TET3: variants seen among roughly 807,000 people sequenced by gnomAD.
The protein encoded by TET3 is methylcytosine dioxygenase TET3.
A neutral mutation model predicts 141.4 loss-of-function variants in TET3; 19 were observed. The ratio of observed to expected loss-of-function variants is 0.13; its 90% CI spans 0.09 to 0.20. The LOEUF (loss-of-function observed/expected upper bound fraction) is 0.20. Ranked by LOEUF, TET3 falls within the 10% of genes least tolerant of loss-of-function variation. TET3 has a pLI of 1.00. For synonymous variants in TET3, 1,043 were observed against 980.9 expected (o/e 1.06, Z -1.18); for missense variants, 1,874 against 2,356.9 (o/e 0.80, Z 4.24).
intron 6 of TET3, among the ~76,000 whole-genome samples, chr2:74,085,583 G>T (rs987149381): frequency 2.6e-5 from 4 of 152,196 alleles, no homozygotes; most frequent in African/African-American, 9.7e-5. Flanking sequence ...GACCATTCAG[G>T]CATTAGATTC....
chr2:74,092,851 G>A, intron 8 of TET3, 51 bp from the exon 9 acceptor site: 1 of 1,490,830 alleles, frequency 6.7e-7, no homozygotes. Flanking sequence ...CAGGGTGCAG[G>A]GTCTGCCAGG....
At position 74,089,634 on chromosome 2, in the gene TET3, C is replaced by T. The variant is rs542016787; in HGVS notation, c.2889-263C>T. On this transcript the variant is annotated intron_variant, in intron 7 of 11. Transcript: ENST00000409262. ...TTACCAGATTCTTCCCCCTTACTTC[C>T]GTAAACCCATGTGCTACTCCCAGCA... Among the ~76,000 whole-genome samples the T allele has an allele frequency of 2.0e-5, 3 of 152,324 alleles. No homozygotes were observed. In the South Asian group the frequency reaches 6.2e-4, roughly 32 times the overall value.
chr2:74,063,525 A>C (rs1688711065), intron 4 of TET3, among the ~76,000 whole-genome samples: 1 of 152,190 alleles, frequency 6.6e-6, no homozygotes, highest in African/African-American at 2.4e-5. Flanking sequence ...ATACCTTACA[A>C]AACCTGAAAG....
chr2:74,002,429 T>C (rs1573656561), intron 2 of TET3, among the ~76,000 whole-genome samples: 1 of 145,400 alleles, frequency 6.9e-6, no homozygotes, highest in Admixed American at 6.8e-5. Context: ...TCATCTTTGA[T>C]CCTGGAGGCG....
intron 3 of TET3, among the ~76,000 whole-genome samples, chr2:74,033,445 A>G (rs1686862306): frequency 6.6e-6 from 1 of 152,244 alleles, no homozygotes; most frequent in African/African-American, 2.4e-5. Context: ...TTTAATAAGT[A>G]CATTCTCAAG....
chr2:74,101,127 A>C lies in TET3; in HGVS notation c.4339A>C (p.Lys1447Gln), dbSNP rs1161586382. 6.2e-7 allele frequency: 1 copy of C among 1,613,770 alleles called. No individual in the cohort carries two copies. Among genetic ancestry groups the C allele is most frequent in the Admixed American group, 1.7e-5 (1 of 59,992 alleles). ...CTCAGGAGGCCCAAGCATGTCCCCC[A>C]AGAGGACTAACGGTGTGGGTGGCAG... ...QYSGGPSMSP[K>Q]RTNGVGGSWG... is the part of the protein sequence containing the mutation. The change falls in exon 12 of 12, where the codon AAG becomes CAG. Residue 1447 changes from lysine (K) to glutamine (Q), a missense_variant. Transcript: ENST00000409262. This position sits in a 1 kb window ranked among gnomAD's most constrained non-coding sequence, Gnocchi z 8.5.
chr2:74,031,937 T>G (rs200297911), intron 3 of TET3, among the ~76,000 whole-genome samples: 1 of 152,210 alleles, frequency 6.6e-6, no homozygotes, highest in Non-Finnish European at 1.5e-5. Context: ...CTATTGACTC[T>G]GATGTTGGAT....
At position 74,101,016 on chromosome 2, in the gene TET3, G is replaced by C. The variant is rs1691174880; in HGVS notation, c.4228G>C (p.Val1410Leu). 1 of 1,613,016 alleles carries C rather than the reference G, an allele frequency of 6.2e-7. No homozygotes were observed. Among genetic ancestry groups the C allele is most frequent in the Non-Finnish European group, 8.5e-7 (1 of 1,179,574 alleles). Residue 1410 changes from valine (V) to leucine (L), a missense_variant, in exon 12 of 12, where the codon GTG (valine) becomes CTG (leucine). Around this residue, in one of 10 missense-constraint regions of TET3, gnomAD observed 602 missense variants for 590.2 expected, o/e 1.02. Coordinates refer to ENST00000409262, the MANE Select transcript of TET3 (RefSeq NM_001287491.2). The surrounding 1 kb of genome is among the most constrained non-coding windows in gnomAD (Gnocchi z 8.5). ...AGACCCGCTGACCCAGGCTGAGCCT[G>C]TGCCCAGAGACGCTGGCAAGATGGG... ...PVDPLTQAEPVPRDAGKMGKT... is the reference protein window; with the variant it reads ...PVDPLTQAEPLPRDAGKMGKT...
At chr2:74,018,023 A>G (rs901275204) in intron 3 of TET3, among the ~76,000 whole-genome samples, 1 of 133,356 alleles carries the variant, frequency 7.5e-6, no homozygotes, top group Non-Finnish European at 1.5e-5. Context: ...GCTGCAGTGC[A>G]GTAGCACAAT....
At chr2:73,984,707 C>T (rs1358964913), upstream of TET3, among the ~76,000 whole-genome samples, 2 of 151,644 alleles carry the variant, frequency 1.3e-5, no homozygotes, top group African/African-American at 2.4e-5. The surrounding 1 kb of genome is among the most constrained non-coding windows in gnomAD (Gnocchi z 5.6). Flanking sequence ...ACTGCAGGTG[C>T]AGAGAAGCGG....
chr2:73,999,014 C>A (rs4384817), intron 2 of TET3, among the ~76,000 whole-genome samples: 1 of 151,944 alleles, frequency 6.6e-6, no homozygotes, highest in South Asian at 2.1e-4. Flanking sequence ...TTAGAAGCGC[C>A]GTTGGTTGGC....
At chr2:74,123,483 T>G in the TET3 span, among the ~76,000 whole-genome samples, 1 of 151,932 alleles carries the variant, frequency 6.6e-6, no homozygotes, top group Admixed American at 6.6e-5. Context: ...ACCCGGCCTG[T>G]GGGCGGAACC....
At chr2:74,060,069 T>G (rs1182578928) in intron 4 of TET3, among the ~76,000 whole-genome samples, 2 of 152,240 alleles carry the variant, frequency 1.3e-5, no homozygotes, top group Non-Finnish European at 2.9e-5. Context: ...TTGTGTGTGT[T>G]GAGCTTTAGT....
At chr2:74,073,738 A>G (rs1485709148) in intron 5 of TET3, 99 bp downstream of exon 5, 1 of 962,458 alleles carries the variant, frequency 1.0e-6, no homozygotes. Flanking sequence ...AACAGACAAT[A>G]TACAGAAAGG....
In TET3 at chr2:74,107,620, A is replaced by G. The variant is rs1691576832; in HGVS notation, c.*5444A>G. On this transcript the variant is annotated 3_prime_UTR_variant, in exon 12 of 12. Coordinates refer to ENST00000409262, the MANE Select transcript of TET3 (RefSeq NM_001287491.2). ...AATTAAAGAAACAAGGGCAGGTCGTATAATGGCATATTAATACATTAGACT... is the reference window on the plus strand; with the variant it reads ...AATTAAAGAAACAAGGGCAGGTCGTGTAATGGCATATTAATACATTAGACT... 2 of 152,218 alleles carry G rather than the reference A, an allele frequency of 1.3e-5. No individual in the cohort carries two copies. Among genetic ancestry groups the G allele is most frequent in the Admixed American group, 6.5e-5 (1 of 15,282 alleles). The allele number at this position is 152,218 out of a possible 1,614,324, so 9.4% of individuals were successfully genotyped here.
chr2:74,089,080 C>CAAAAAA (rs34315040), intron 7 of TET3, among the ~76,000 whole-genome samples: 4 of 60,548 alleles, frequency 6.6e-5, no homozygotes, highest in Non-Finnish European at 9.4e-5. Context: ...GATTCCGTCT[C>CAAAAAA]AAAAAAAAAA....
In TET3 at chr2:74,100,876, G is replaced by A. The variant is rs1387570330; in HGVS notation, c.4088G>A (p.Gly1363Asp). 2.5e-6 allele frequency: 4 copies of A among 1,610,602 alleles called. No individual in the cohort carries two copies. The East Asian group carries it at 8.9e-5, about 36-fold the overall frequency. ...CACCACCAGCAGCCTGCGTACCCAGGCCCCAAGGAGTATCTGCTTCCCAAG... is the reference window on the plus strand; with the variant it reads ...CACCACCAGCAGCCTGCGTACCCAGACCCCAAGGAGTATCTGCTTCCCAAG... ...TPHHQQPAYP[G>D]PKEYLLPKAP... The change falls in exon 12 of 12, where the codon GGC becomes GAC. Residue 1363 changes from glycine (G) to aspartate (D), a missense_variant. This residue lies in a region of TET3 where 602 missense variants were observed against 590.2 expected (regional missense o/e 1.02). Coordinates refer to ENST00000409262, the MANE Select transcript of TET3 (RefSeq NM_001287491.2).
At chr2:74,127,157 G>A in the TET3 span, among the ~76,000 whole-genome samples, 1 of 152,186 alleles carries the variant, frequency 6.6e-6, no homozygotes, top group Non-Finnish European at 1.5e-5. Flanking sequence ...AAACTCAAAT[G>A]AGGGGATCAG....
At chr2:74,063,586 T>C (rs1334447926) in intron 4 of TET3, among the ~76,000 whole-genome samples, 1 of 142,146 alleles carries the variant, frequency 7.0e-6, no homozygotes, top group East Asian at 1.9e-4. Flanking sequence ...ATTCCACTTA[T>C]ATGAGTTTTT....
Sources: allele counts gnomAD v4.1 joint callset (sites outside exome capture counted in the v4.1 genomes callset), GRCh38; gene constraint gnomAD v4.1.1; regional missense constraint gnomAD v4.1.1; non-coding constraint Gnocchi (gnomAD v3.1); transcripts MANE v1.5; gene names NCBI Gene and HGNC (gene_info 2026-07-23, HGNC 2026-07-21).